The following RALYL variants were observed in gnomAD, a reference collection of about 807,000 sequenced individuals.
RALYL encodes RNA-binding Raly-like protein.
Under a neutral mutation model 35.1 loss-of-function variants are expected in RALYL, and 29 were observed. That is an observed-to-expected ratio of 0.83 (90% CI 0.61 to 1.13). RALYL has a LOEUF of 1.13. Among genes scored for constraint, RALYL ranks in the 50% most tolerant of loss-of-function variants. The probability of loss-of-function intolerance (pLI) is 0.00; values close to 1 mark genes in which losing one functional copy is unlikely to be tolerated. For synonymous variants in RALYL, 120 were observed against 127.6 expected (o/e 0.94, Z 0.40); for missense variants, 359 against 360.4 (o/e 1.00, Z 0.03).
intron 1 of RALYL, among the ~76,000 whole-genome samples, chr8:84,291,202 A>T: frequency 6.6e-6 from 1 of 152,208 alleles, no homozygotes; most frequent in East Asian, 1.9e-4. Flanking sequence ...AAGTTTACTG[A>T]GTGATTTCTA....
intron 2 of RALYL, among the ~76,000 whole-genome samples, chr8:84,530,440 C>T (rs2059201641): frequency 6.6e-6 from 1 of 151,784 alleles, no homozygotes; most frequent in Non-Finnish European, 1.5e-5. Context: ...CTTCTCCACT[C>T]CCAAATTTCC....
intron 1 of RALYL, among the ~76,000 whole-genome samples, chr8:84,191,406 T>C (rs935859939): frequency 2.0e-5 from 3 of 152,212 alleles, no homozygotes; most frequent in Admixed American, 2.0e-4. Flanking sequence ...CTATGTCTAC[T>C]GAAAAATCTT....
intron 2 of RALYL, among the ~76,000 whole-genome samples, chr8:84,570,876 A>C (rs948463236): frequency 1.3e-5 from 2 of 151,882 alleles, no homozygotes; most frequent in African/African-American, 4.8e-5. Context: ...TATGCCATGA[A>C]TCAAATTTAT....
chr8:84,426,461 T>TGC (rs1563909897), intron 1 of RALYL, among the ~76,000 whole-genome samples: 1 of 150,974 alleles, frequency 6.6e-6, no homozygotes, highest in African/African-American at 2.4e-5. Flanking sequence ...TGTGTGTGTG[T>TGC]GTGTGTGTGT....
chr8:84,884,271 A>G (rs1025418053), intron 7 of RALYL, among the ~76,000 whole-genome samples: 5 of 152,086 alleles, frequency 3.3e-5, no homozygotes, highest in African/African-American at 1.2e-4. Context: ...AGAACTAACT[A>G]TAAGACAGCA....
At chr8:84,665,655 C>A (rs761514245) in intron 2 of RALYL, 6 of 151,916 alleles carry the variant, frequency 3.9e-5, no homozygotes, top group Non-Finnish European at 5.9e-5. Flanking sequence ...TCGTGATATC[C>A]CCTTATCATT....
intron 2 of RALYL, among the ~76,000 whole-genome samples, chr8:84,590,485 G>A (rs112678789): frequency 3.9e-4 from 60 of 152,290 alleles, no homozygotes; most frequent in Non-Finnish European, 5.7e-4. Context: ...TTGTTCAAAC[G>A]TAGCATAAGG....
chr8:84,318,922 T>G (rs1402152733), intron 1 of RALYL, among the ~76,000 whole-genome samples: 2 of 152,172 alleles, frequency 1.3e-5, no homozygotes, highest in Non-Finnish European at 2.9e-5. Flanking sequence ...CAGGCTTTAT[T>G]TGTGGAGAAT....
chr8:84,413,414 GAAA>G (rs200084963), intron 1 of RALYL, among the ~76,000 whole-genome samples: 1 of 148,172 alleles, frequency 6.7e-6, no homozygotes, highest in African/African-American at 2.5e-5. Flanking sequence ...TACTGATGGA[GAAA>G]AAAAAAATCC....
chr8:84,418,185 T>C (rs1174731330), intron 1 of RALYL, among the ~76,000 whole-genome samples: 1 of 152,222 alleles, frequency 6.6e-6, no homozygotes, highest in Non-Finnish European at 1.5e-5. Flanking sequence ...CCAAAAAATA[T>C]GGGGTCAGAA....
intron 2 of RALYL, among the ~76,000 whole-genome samples, chr8:84,681,038 G>A (rs1206528939): frequency 1.3e-5 from 2 of 151,754 alleles, no homozygotes; most frequent in African/African-American, 4.9e-5. Context: ...TAAGGTGTAA[G>A]GAAGGGATCC....
chr8:84,571,086 G>A (rs1310545404), intron 2 of RALYL, among the ~76,000 whole-genome samples: 1 of 151,518 alleles, frequency 6.6e-6, no homozygotes, highest in African/African-American at 2.4e-5. Flanking sequence ...GGTTCATCAG[G>A]GATATTGCAT....
At chr8:84,460,570 C>T (rs976697389) in intron 1 of RALYL, among the ~76,000 whole-genome samples, 5 of 151,526 alleles carry the variant, frequency 3.3e-5, no homozygotes, top group Non-Finnish European at 7.4e-5. Context: ...AGGTTCAGAA[C>T]AGTGTGGTAT....
chr8:84,737,162 G>A (rs1049939054), intron 2 of RALYL, among the ~76,000 whole-genome samples: 2 of 151,882 alleles, frequency 1.3e-5, no homozygotes, highest in Non-Finnish European at 2.9e-5. Flanking sequence ...CACATTCTGT[G>A]GTCTAAATCA....
intron 2 of RALYL, among the ~76,000 whole-genome samples, chr8:84,624,158 G>A (rs892565319): frequency 5.9e-5 from 9 of 152,148 alleles, no homozygotes; most frequent in Non-Finnish European, 1.2e-4. Context: ...GAGCAGCTTA[G>A]TTTTTCAAGG....
intron 2 of RALYL, among the ~76,000 whole-genome samples, chr8:84,671,603 A>G (rs982734295): frequency 2.0e-5 from 3 of 152,124 alleles, no homozygotes; most frequent in Non-Finnish European, 4.4e-5. Context: ...TCAACACCAC[A>G]TGGAAGCTGC....
At chr8:84,895,794 G>A (rs1244981279) in intron 8 of RALYL, among the ~76,000 whole-genome samples, 1 of 152,196 alleles carries the variant, frequency 6.6e-6, no homozygotes, top group East Asian at 1.9e-4. Context: ...TTACAGGTGT[G>A]AGCCACTGTG....
intron 2 of RALYL, among the ~76,000 whole-genome samples, chr8:84,575,392 A>G (rs1809110970): frequency 6.6e-6 from 1 of 152,234 alleles, no homozygotes; most frequent in Admixed American, 6.5e-5. Flanking sequence ...GAATTATAAA[A>G]GCAGTATAAA....
chr8:84,344,702 C>T (rs1362458146), intron 1 of RALYL, among the ~76,000 whole-genome samples: 1 of 151,840 alleles, frequency 6.6e-6, no homozygotes, highest in African/African-American at 2.4e-5. Flanking sequence ...TAACATTATC[C>T]CATCCCAATT....
Sources: allele counts gnomAD v4.1 joint callset (sites outside exome capture counted in the v4.1 genomes callset), GRCh38; gene constraint gnomAD v4.1.1; transcripts MANE v1.5; gene names NCBI Gene and HGNC (gene_info 2026-07-23, HGNC 2026-07-21).